Variants in RANBP2 observed in about 807,000 individuals in gnomAD.
RANBP2 encodes RAN binding protein 2, also known as E3 SUMO-protein ligase RanBP2.
Under a neutral mutation model 303.6 loss-of-function variants are expected in RANBP2, and 57 were observed. The ratio of observed to expected loss-of-function variants is 0.19; its 90% confidence interval spans 0.15 to 0.23. RANBP2 has a LOEUF of 0.23. RANBP2 is among the 10% of genes least tolerant of loss of function. The pLI, the probability that RANBP2 is intolerant of heterozygous loss-of-function variation, is 1.00. For missense variants in RANBP2, 3,138 were observed against 3,780.8 expected, an observed-to-expected ratio of 0.83 and a Z score of 4.46; for synonymous variants, 1,167 against 1,301.5, an observed-to-expected ratio of 0.90 and a Z score of 2.23.
At chr2:109,717,125 A>G in the RANBP2 span, among the ~76,000 whole-genome samples, 2 of 152,250 alleles carry the variant, frequency 1.3e-5, no homozygotes, top group Non-Finnish European at 2.9e-5. Context: ...TCTTATATAC[A>G]GAAAATCCTA....
At chr2:108,993,856 A>G in the RANBP2 span, among the ~76,000 whole-genome samples, 1 of 152,096 alleles carries the variant, frequency 6.6e-6, no homozygotes, top group East Asian at 1.9e-4. Flanking sequence ...AACAACAGAC[A>G]TTTGTTTCTC....
chr2:109,366,270 T>G, the RANBP2 span, among the ~76,000 whole-genome samples: 1 of 152,194 alleles, frequency 6.6e-6, no homozygotes, highest in South Asian at 2.1e-4. Flanking sequence ...CTTACTTTGC[T>G]TTTTTCGTTT....
chr2:109,657,134 A>G, the RANBP2 span, among the ~76,000 whole-genome samples: 1 of 152,184 alleles, frequency 6.6e-6, no homozygotes, highest in Non-Finnish European at 1.5e-5. Flanking sequence ...CTGAGTGCCC[A>G]ACGGTTATTG....
chr2:108,788,064 T>C, downstream of RANBP2: 1 of 1,599,452 alleles, frequency 6.3e-7, no homozygotes, highest in East Asian at 2.2e-5. Context: ...AGTCTAAGTA[T>C]AAGAGAAGAA....
At chr2:109,253,971 G>T in the RANBP2 span, among the ~76,000 whole-genome samples, 1 of 151,756 alleles carries the variant, frequency 6.6e-6, no homozygotes, top group African/African-American at 2.4e-5. Flanking sequence ...TTGGGAATGG[G>T]GCCTGGCCCC....
chr2:109,114,258 G>A, the RANBP2 span, among the ~76,000 whole-genome samples: 1 of 152,152 alleles, frequency 6.6e-6, no homozygotes, highest in Non-Finnish European at 1.5e-5. Context: ...AATCCATCTG[G>A]TCCTGGACTC....
chr2:109,194,916 GAAA>G, the RANBP2 span, among the ~76,000 whole-genome samples: 1 of 152,086 alleles, frequency 6.6e-6, no homozygotes, highest in African/African-American at 2.4e-5. Context: ...AAAAGAAAAA[GAAA>G]AAAATCCAAG....
the RANBP2 span, among the ~76,000 whole-genome samples, chr2:109,162,255 G>A: frequency 6.6e-6 from 1 of 152,188 alleles, no homozygotes; most frequent in Non-Finnish European, 1.5e-5. Context: ...AAGTGGTGGT[G>A]GAGCATCTCA....
At chr2:109,048,061 T>C in the RANBP2 span, among the ~76,000 whole-genome samples, 4 of 152,332 alleles carry the variant, frequency 2.6e-5, no homozygotes, top group Admixed American at 2.6e-4. Context: ...CAGCTGTTAA[T>C]AGCCACTGAA....
the RANBP2 span, among the ~76,000 whole-genome samples, chr2:109,127,067 C>G: frequency 6.6e-6 from 1 of 152,216 alleles, no homozygotes; most frequent in East Asian, 1.9e-4. Context: ...TCAAGGGAAG[C>G]CAGGCAGCTC....
At chr2:109,087,084 G>A in the RANBP2 span, among the ~76,000 whole-genome samples, 9 of 152,314 alleles carry the variant, frequency 5.9e-5, no homozygotes, top group Admixed American at 2.6e-4. Context: ...AAGACAAGGC[G>A]AATGAACTGA....
At chr2:109,708,156 G>A in the RANBP2 span, among the ~76,000 whole-genome samples, 4 of 152,178 alleles carry the variant, frequency 2.6e-5, no homozygotes, top group African/African-American at 4.8e-5. Flanking sequence ...CTAGGAGTTC[G>A]AGACCAACCT....
chr2:109,197,318 C>G, the RANBP2 span, among the ~76,000 whole-genome samples: 1 of 152,120 alleles, frequency 6.6e-6, no homozygotes, highest in Non-Finnish European at 1.5e-5. Flanking sequence ...GCTGTTCTGC[C>G]TGACACAGGA....
the RANBP2 span, among the ~76,000 whole-genome samples, chr2:109,431,988 T>A: frequency 6.6e-6 from 1 of 152,156 alleles, no homozygotes; most frequent in Admixed American, 6.5e-5. Flanking sequence ...CTCTTCCACC[T>A]CTGGTTGATT....
chr2:108,979,432 CTCTT>C, the RANBP2 span, among the ~76,000 whole-genome samples: 20 of 136,290 alleles, frequency 1.5e-4, no homozygotes, highest in African/African-American at 5.7e-4. Flanking sequence ...GTCTCTCTCT[CTCTT>C]TCTCTCTCTC....
Position 108,719,906 on chromosome 2 carries a change from G to GGCTTGTTCCCGAC in RANBP2, c.72+243_72+255dup, listed in dbSNP as rs3832087. ...GGCGCCGGCGCTTCCTCTTTCTCCC[G>GGCTTGTTCCCGAC]GCTTGTTCCCGACGCTTGTTCCCGA... is the stretch of plus-strand genomic sequence containing the variant. On this transcript the variant is annotated intron_variant, in intron 1 of 28. Transcript: ENST00000283195. Among the ~76,000 whole-genome samples, 922 of 152,232 alleles carry GGCTTGTTCCCGAC rather than the reference G, an allele frequency of 6.1e-3. 7 individuals are homozygous for GGCTTGTTCCCGAC. Among genetic ancestry groups the GGCTTGTTCCCGAC allele is most frequent in the South Asian group, 0.022 (105 of 4,814 alleles).
At chr2:108,814,635 TTTTTG>T in the RANBP2 span, among the ~76,000 whole-genome samples, 2 of 151,482 alleles carry the variant, frequency 1.3e-5, no homozygotes, top group Non-Finnish European at 2.9e-5. Flanking sequence ...TCTTTGAATT[TTTTTG>T]TTTTTTTATT....
At chr2:109,567,753 C>T in the RANBP2 span, 2 of 1,454,534 alleles carry the variant, frequency 1.4e-6, no homozygotes, top group Non-Finnish European at 1.8e-6. Context: ...AGCAATATTA[C>T]TCACAAATTA....
At chr2:108,926,888 C>T in the RANBP2 span, among the ~76,000 whole-genome samples, 53 of 152,322 alleles carry the variant, frequency 3.5e-4, 1 homozygote, top group Middle Eastern at 6.8e-3. Context: ...CTAGTCACAC[C>T]GGCCTGCCAA....
Sources: allele counts gnomAD v4.1 joint callset (sites outside exome capture counted in the v4.1 genomes callset), GRCh38; gene constraint gnomAD v4.1.1; transcripts MANE v1.5; gene names NCBI Gene and HGNC (gene_info 2026-07-23, HGNC 2026-07-21).